Variants in SND1 observed in about 807,000 individuals in gnomAD.
SND1 encodes staphylococcal nuclease domain-containing protein 1.
Under a neutral mutation model 121.7 loss-of-function variants are expected in SND1, and 38 were observed. The ratio of observed to expected loss-of-function variants is 0.31; its 90% CI spans 0.24 to 0.41. The LOEUF (loss-of-function observed/expected upper bound fraction) is 0.41, where lower values mean the gene tolerates loss of function less well. Ranked by LOEUF, SND1 falls within the 10% of genes least tolerant of loss-of-function variation. SND1 has a pLI of 1.00. For synonymous variants in SND1, 401 were observed against 447.4 expected (o/e 0.90, Z 1.31); for missense variants, 868 against 1,184.6 (o/e 0.73, Z 3.92).
intron 10 of SND1, 95 bp from the exon 11 acceptor site, chr7:127,807,389 A>T: frequency 1.1e-6 from 1 of 932,400 alleles, no homozygotes; most frequent in Non-Finnish European, 1.7e-6. Flanking sequence ...ATACTAAGAG[A>T]TAACCAATTT....
In SND1 at chr7:127,843,304, A is replaced by C. The variant is rs556338464; in HGVS notation, c.1243-1020A>C. ...TGTTATATCATCTGTGGGCTTTGATATATGTATAGTGGCATGTATTCACCA... is the reference window on the plus strand; with the variant it reads ...TGTTATATCATCTGTGGGCTTTGATCTATGTATAGTGGCATGTATTCACCA... On this transcript the variant is annotated intron_variant, in intron 11 of 23. Coordinates refer to ENST00000354725, the MANE Select transcript of SND1 (RefSeq NM_014390.4). Among the ~76,000 whole-genome samples the C allele has an allele frequency of 2.0e-5, 3 of 152,236 alleles. No homozygotes were observed. The South Asian group carries it at 6.2e-4, about 32-fold the overall frequency.
chr7:128,040,999 A>T (rs1436021737), intron 16 of SND1, among the ~76,000 whole-genome samples: 1 of 152,154 alleles, frequency 6.6e-6, no homozygotes, highest in Non-Finnish European at 1.5e-5. Context: ...TGGCAAGTTC[A>T]TTTGTCTCAT....
At chr7:128,013,858 C>T (rs892402998) in intron 16 of SND1, among the ~76,000 whole-genome samples, 2 of 152,236 alleles carry the variant, frequency 1.3e-5, no homozygotes, top group Non-Finnish European at 2.9e-5. Context: ...GCTTGTAGAG[C>T]AGCCTGTGAC....
At chr7:128,012,949 C>T (rs975599950) in intron 16 of SND1, among the ~76,000 whole-genome samples, 2 of 152,202 alleles carry the variant, frequency 1.3e-5, no homozygotes, top group Non-Finnish European at 2.9e-5. Flanking sequence ...ACCCTCCCTT[C>T]CCATTGCCCC....
intron 10 of SND1, among the ~76,000 whole-genome samples, chr7:127,784,835 G>A (rs1347953287): frequency 6.6e-6 from 1 of 152,194 alleles, no homozygotes; most frequent in Non-Finnish European, 1.5e-5. Flanking sequence ...AGAAAGGCAT[G>A]GGTAGTATGA....
At chr7:128,068,931 C>T (rs1463402723) in intron 16 of SND1, among the ~76,000 whole-genome samples, 1 of 152,250 alleles carries the variant, frequency 6.6e-6, no homozygotes, top group Non-Finnish European at 1.5e-5. Context: ...ACACGTCCCA[C>T]TGTGAGGCAG....
At chr7:128,046,598 A>G (rs991608068) in intron 16 of SND1, among the ~76,000 whole-genome samples, 1 of 151,482 alleles carries the variant, frequency 6.6e-6, no homozygotes, top group Non-Finnish European at 1.5e-5. Flanking sequence ...TCCTAACCTC[A>G]AGTGATCTGC....
At chr7:128,034,733 G>T (rs1792716423) in intron 16 of SND1, among the ~76,000 whole-genome samples, 1 of 152,230 alleles carries the variant, frequency 6.6e-6, no homozygotes, top group Non-Finnish European at 1.5e-5. Context: ...ACATCAGGCT[G>T]CTTTGCCCCC....
Position 127,772,206 on chromosome 7 carries a change from C to T in SND1, c.1153-35278C>T, listed in dbSNP as rs3757782. Among the ~76,000 whole-genome samples, 6 of 152,308 alleles carry T rather than the reference C, an allele frequency of 3.9e-5. No individual in the cohort carries two copies. The East Asian group carries it at 1.2e-3, about 29-fold the overall frequency. On this transcript the variant is annotated intron_variant, in intron 10 of 23. Transcript: ENST00000354725. ...ACAGTCACTATGTCCTTGAATCTTA[C>T]AGGCTTAGACCTGGAGGAGACTCTG...
chr7:127,995,616 C>T (rs886790375), intron 16 of SND1, among the ~76,000 whole-genome samples: 13 of 152,244 alleles, frequency 8.5e-5, no homozygotes, highest in Admixed American at 8.5e-4. Flanking sequence ...AATCCCAAGC[C>T]ACCCTTTCCT....
chr7:128,088,562 C>T (rs914047626), intron 21 of SND1, among the ~76,000 whole-genome samples: 2 of 150,340 alleles, frequency 1.3e-5, no homozygotes, highest in Non-Finnish European at 1.5e-5. Flanking sequence ...AAGTGATTCT[C>T]CCACCTCAGC....
intron 14 of SND1, among the ~76,000 whole-genome samples, chr7:127,919,723 C>A (rs1455406391): frequency 6.6e-6 from 1 of 152,094 alleles, no homozygotes; most frequent in Non-Finnish European, 1.5e-5. Flanking sequence ...TATAAAAATT[C>A]ATTATCATTT....
At position 128,091,956 on chromosome 7, in the gene SND1, G is replaced by A. The variant is rs745594149; in HGVS notation, c.2668-37G>A. ...GGCCCTCTGAGTTCCGGTGGGTCCC[G>A]TATCCCTGAAGAGCTATTGTCTGTT... On this transcript the variant is annotated intron_variant, in intron 23 of 23. Transcript: ENST00000354725. 24 of 1,613,858 alleles carry A rather than the reference G, an allele frequency of 1.5e-5. 1 individual carries two copies. The highest frequency in any genetic ancestry group is 6.6e-5 in the South Asian group (6 of 91,080).
At chr7:127,659,626 T>C (rs1795273962) in intron 1 of SND1, among the ~76,000 whole-genome samples, 1 of 152,180 alleles carries the variant, frequency 6.6e-6, no homozygotes, top group African/African-American at 2.4e-5. Flanking sequence ...ACCTCATGTA[T>C]ATCAAGAGGA....
chr7:127,874,538 G>A (rs1038788870), intron 12 of SND1, among the ~76,000 whole-genome samples: 1 of 152,026 alleles, frequency 6.6e-6, no homozygotes, highest in African/African-American at 2.4e-5. Context: ...GAGAGAAGCT[G>A]AGGGTGTTTT....
At chr7:127,763,855 A>T (rs1797354866) in intron 10 of SND1, among the ~76,000 whole-genome samples, 1 of 151,980 alleles carries the variant, frequency 6.6e-6, no homozygotes, top group Non-Finnish European at 1.5e-5. Flanking sequence ...GTATTTGGGG[A>T]GACTGAGGGA....
At chr7:127,708,259 AG>A (rs1796237039) in intron 9 of SND1, among the ~76,000 whole-genome samples, 1 of 152,100 alleles carries the variant, frequency 6.6e-6, no homozygotes, top group Non-Finnish European at 1.5e-5. Flanking sequence ...AACTAACCTA[AG>A]CAAAAGTAGG....
intron 16 of SND1, among the ~76,000 whole-genome samples, chr7:128,018,613 C>T (rs1392317698): frequency 2.0e-5 from 3 of 152,206 alleles, no homozygotes; most frequent in Non-Finnish European, 2.9e-5. Flanking sequence ...ATCCTGAATA[C>T]GACCCAGGAC....
chr7:127,984,890 G>A (rs1802349259), intron 15 of SND1, among the ~76,000 whole-genome samples: 1 of 152,176 alleles, frequency 6.6e-6, no homozygotes, highest in Non-Finnish European at 1.5e-5. Context: ...GATCTCCAGT[G>A]TTAATGTCAG....
Sources: allele counts gnomAD v4.1 joint callset (sites outside exome capture counted in the v4.1 genomes callset), GRCh38; gene constraint gnomAD v4.1.1; transcripts MANE v1.5; gene names NCBI Gene and HGNC (gene_info 2026-07-23, HGNC 2026-07-21).